The following ATP8B1 variants were observed in gnomAD, a reference collection of about 807,000 sequenced individuals.
ATP8B1 encodes ATPase phospholipid transporting 8B1.
Under a neutral mutation model 149.9 loss-of-function variants are expected in ATP8B1, and 80 were observed. The ratio of observed to expected loss-of-function variants is 0.53; its 90% CI spans 0.45 to 0.64. The LOEUF (loss-of-function observed/expected upper bound fraction) is 0.64. ATP8B1 is among the 30% of genes least tolerant of loss of function. ATP8B1 has a pLI of 0.00. For synonymous variants in ATP8B1, 536 were observed against 562.8 expected, an observed-to-expected ratio of 0.95 and a Z score of 0.67; for missense variants, 1,247 against 1,552.6, an observed-to-expected ratio of 0.80 and a Z score of 3.31.
intron 1 of ATP8B1, among the ~76,000 whole-genome samples, chr18:57,760,034 A>G (rs2080132855): frequency 6.6e-6 from 1 of 152,130 alleles, no homozygotes; most frequent in South Asian, 2.1e-4. Context: ...GGCACTAGAA[A>G]GAAGCTATCA....
At chr18:57,692,232 A>G (rs1400515899) in intron 11 of ATP8B1, among the ~76,000 whole-genome samples, 1 of 152,108 alleles carries the variant, frequency 6.6e-6, no homozygotes, top group Non-Finnish European at 1.5e-5. Flanking sequence ...TTGTTCCCAA[A>G]ATTATCTCTC....
At chr18:57,710,825 G>A (rs1382609458) in intron 2 of ATP8B1, among the ~76,000 whole-genome samples, 1 of 152,080 alleles carries the variant, frequency 6.6e-6, no homozygotes. Context: ...AGTAGAGACC[G>A]GGTTTCATCA....
At chr18:57,750,114 G>A (rs1177315823) in intron 1 of ATP8B1, among the ~76,000 whole-genome samples, 2 of 152,144 alleles carry the variant, frequency 1.3e-5, no homozygotes, top group Non-Finnish European at 2.9e-5. Context: ...ATGGTGGCGT[G>A]AGCCTGTAAT....
rs533276857 is a variant in ATP8B1 at position 57,731,196 on chromosome 18, C to A, written c.181+431G>T. ...CTGGTGCATGCCTGTAGTCCAGCTACTCAGGAGGCTGAGGTAGGAGGATCA... is the reference window on the plus strand; with the variant it reads ...CTGGTGCATGCCTGTAGTCCAGCTAATCAGGAGGCTGAGGTAGGAGGATCA... On this transcript the variant is annotated intron_variant, in intron 2 of 27. Coordinates refer to ENST00000648908, the MANE Select transcript of ATP8B1 (RefSeq NM_001374385.1). 2.0e-5 allele frequency among the ~76,000 whole-genome samples: 3 copies of A among 152,018 alleles called. No homozygotes were observed. The South Asian group carries it at 6.2e-4, about 32-fold the overall frequency.
chr18:57,753,943 AAAAAAG>A, intron 1 of ATP8B1, among the ~76,000 whole-genome samples: 1 of 48,388 alleles, frequency 2.1e-5, no homozygotes, highest in Non-Finnish European at 3.8e-5. Flanking sequence ...AAAAAAAAAA[AAAAAAG>A]AAAGAAAGAA....
intron 1 of ATP8B1, among the ~76,000 whole-genome samples, chr18:57,748,070 C>T (rs1010715351): frequency 4.6e-5 from 7 of 152,140 alleles, no homozygotes; most frequent in South Asian, 2.1e-4. Flanking sequence ...CAAGCTTCTC[C>T]TACAAATCTG....
Position 57,682,847 on chromosome 18 carries a change from G to T in ATP8B1, c.1630+1189C>A, listed in dbSNP as rs530202514. On this transcript the variant is annotated intron_variant, in intron 15 of 27. Transcript: ENST00000648908. ...GCTTCTATACATTTAGGTGTTTTTT[G>T]TTTTTTTTTGAGATAGGGTCTCACT... Among the ~76,000 whole-genome samples, 5 of 150,782 alleles carry T rather than the reference G, an allele frequency of 3.3e-5. No homozygotes were observed. In the South Asian group the frequency reaches 6.3e-4, roughly 19 times the overall value.
intron 7 of ATP8B1, 27 bp downstream of exon 7, chr18:57,697,768 C>T (rs757921621): frequency 6.2e-7 from 1 of 1,612,608 alleles, no homozygotes; most frequent in Non-Finnish European, 8.5e-7. Flanking sequence ...GAACAAGGAA[C>T]AAGAGAAGCA....
intron 1 of ATP8B1, among the ~76,000 whole-genome samples, chr18:57,783,791 C>T (rs529153405): frequency 3.9e-5 from 6 of 151,926 alleles, no homozygotes; most frequent in South Asian, 4.2e-4. Context: ...GCTGAGATCG[C>T]GCCACTGAAC....
chr18:57,681,894 CT>C (rs11287315), intron 15 of ATP8B1, among the ~76,000 whole-genome samples: 111,103 of 152,002 alleles, frequency 0.73, 40,942 homozygotes, highest in Admixed American at 0.8. Context: ...AAAGCAATTT[CT>C]TTCTCTAAGC....
intron 1 of ATP8B1, among the ~76,000 whole-genome samples, chr18:57,790,012 A>T (rs978939951): frequency 1.3e-5 from 2 of 152,048 alleles, no homozygotes; most frequent in Non-Finnish European, 2.9e-5. Context: ...ACTCAAACTA[A>T]ACATGATCAA....
chr18:57,791,034 A>G (rs1236248186), intron 1 of ATP8B1, among the ~76,000 whole-genome samples: 1 of 151,924 alleles, frequency 6.6e-6, no homozygotes, highest in Non-Finnish European at 1.5e-5. Flanking sequence ...ATTGCCTTCT[A>G]AGTGATATTA....
At chr18:57,715,666 G>A (rs2079576905) in intron 2 of ATP8B1, among the ~76,000 whole-genome samples, 1 of 152,206 alleles carries the variant, frequency 6.6e-6, no homozygotes, top group Non-Finnish European at 1.5e-5. Flanking sequence ...CAATACGTCT[G>A]GCAGCAGACT....
intron 13 of ATP8B1, among the ~76,000 whole-genome samples, chr18:57,687,537 C>CA (rs1912312165): frequency 6.6e-6 from 1 of 152,146 alleles, no homozygotes; most frequent in African/African-American, 2.4e-5. Context: ...TGTGTTGTAG[C>CA]ATGTGTCAAA....
intron 11 of ATP8B1, among the ~76,000 whole-genome samples, chr18:57,693,674 C>T (rs1162962054): frequency 6.6e-6 from 1 of 152,022 alleles, no homozygotes; most frequent in Non-Finnish European, 1.5e-5. Flanking sequence ...TGCCATTGTA[C>T]TCCAGCCTGG....
At chr18:57,718,257 GA>G (rs1374102031) in intron 2 of ATP8B1, among the ~76,000 whole-genome samples, 1 of 151,752 alleles carries the variant, frequency 6.6e-6, no homozygotes, top group African/African-American at 2.4e-5. Context: ...GGAAAATGTA[GA>G]AAAAAATGGA....
chr18:57,763,158 C>T (rs572327100), intron 1 of ATP8B1, among the ~76,000 whole-genome samples: 41 of 152,282 alleles, frequency 2.7e-4, no homozygotes, highest in African/African-American at 8.7e-4. Flanking sequence ...CTTTGGGAAG[C>T]CGAAGCGGGC....
chr18:57,687,054 C>T (rs563521123), intron 13 of ATP8B1, among the ~76,000 whole-genome samples: 1 of 152,282 alleles, frequency 6.6e-6, no homozygotes, highest in South Asian at 2.1e-4. Context: ...GTCTAGAATT[C>T]TGGGCCTCAA....
rs1176472088 is a variant in ATP8B1 at position 57,666,930 on chromosome 18, TTGGAAC to T, written c.2285+156_2285+161del. Among the ~76,000 whole-genome samples, 15 of 152,342 alleles carry T rather than the reference TTGGAAC, an allele frequency of 9.8e-5. 2 individuals carry two copies. The highest frequency in any genetic ancestry group is 9.2e-4 in the Admixed American group (14 of 15,298). Reference sequence around the variant, plus strand: ...CAAATTTAGGCTGCACCTTGATTACTTGGAACTGCCTGTTGTTGTCTTGCCTCATTT... The same window carrying T: ...CAAATTTAGGCTGCACCTTGATTACTTGCCTGTTGTTGTCTTGCCTCATTT... On this transcript the variant is annotated intron_variant, in intron 20 of 27. Coordinates refer to ENST00000648908, the MANE Select transcript of ATP8B1 (RefSeq NM_001374385.1).
Sources: gnomAD v4.1 joint callset for allele counts (sites outside exome capture counted in the v4.1 genomes callset) on GRCh38, gnomAD v4.1.1 for gene constraint, MANE v1.5 for transcripts, NCBI Gene and HGNC (gene_info 2026-07-23, HGNC 2026-07-21) for gene names.